Variants in PDZRN4 observed in about 807,000 individuals in gnomAD.
PDZRN4 encodes the protein PDZ domain containing ring finger 4.
Under a neutral mutation model 99.0 loss-of-function variants are expected in PDZRN4, and 70 were observed. The observed-to-expected ratio is 0.71, with a 90% CI of 0.58 to 0.86. The LOEUF (loss-of-function observed/expected upper bound fraction) is 0.86, where lower values mean the gene tolerates loss of function less well. PDZRN4 is among the 40% of genes least tolerant of loss of function. The pLI, the probability that PDZRN4 is intolerant of heterozygous loss-of-function variation, is 0.00. For missense variants in PDZRN4, 1,474 were observed against 1,331.2 expected (o/e 1.11, Z -1.67); for synonymous variants, 551 against 501.6 (o/e 1.10, Z -1.32).
rs148338048 is a variant in PDZRN4, at chr12:41,569,690, T to C, written c.1584+1791T>C. 9.8e-4 allele frequency among the ~76,000 whole-genome samples: 149 copies of C among 152,294 alleles called. 3 individuals are homozygous for C. The East Asian group carries it at 0.023, about 23-fold the overall frequency. ...AAATATTCAGCTTGCTAACATCCCA[T>C]AACAGAAATGTGTATGTGTGTGCAC... On this transcript the variant is annotated intron_variant, in intron 9 of 9. Transcript: ENST00000402685.
rs534589079 is a variant in PDZRN4, at chr12:41,243,356, C to A, written c.843+49168C>A. 2.6e-5 allele frequency among the ~76,000 whole-genome samples: 4 copies of A among 152,210 alleles called. No individual in the cohort carries two copies. In the South Asian group the frequency reaches 8.3e-4, roughly 32 times the overall value. ...AGCTTGGTTAATTGTTCTGGTATTA[C>A]AATGAATAATTACAATTTAAAAAAT... is the stretch of plus-strand genomic sequence containing the variant. On this transcript the variant is annotated intron_variant, in intron 3 of 9. Coordinates refer to ENST00000402685, the MANE Select transcript of PDZRN4 (RefSeq NM_001164595.2).
rs560637893 is a variant in PDZRN4 at position 41,192,179 on chromosome 12, C to T, written c.735+635C>T. Among the ~76,000 whole-genome samples the T allele has an allele frequency of 2.2e-3, 331 of 152,246 alleles. 8 individuals carry two copies. The South Asian group carries it at 0.044, about 20-fold the overall frequency. On this transcript the variant is annotated intron_variant, in intron 2 of 9. Coordinates refer to ENST00000402685, the MANE Select transcript of PDZRN4 (RefSeq NM_001164595.2). ...GGAGTGCAGTAGCGTGATCTCAGCT[C>T]AATGCAACCACTGCCTCTGGTTCAA...
At chr12:41,564,363 G>C (rs750656710) in intron 8 of PDZRN4, among the ~76,000 whole-genome samples, 3 of 152,086 alleles carry the variant, frequency 2.0e-5, no homozygotes, top group Non-Finnish European at 2.9e-5. Flanking sequence ...TGGAAAAAAA[G>C]TACTATTGGG....
At chr12:41,352,920 G>T (rs76925491) in intron 3 of PDZRN4, among the ~76,000 whole-genome samples, 3,353 of 152,178 alleles carry the variant, frequency 0.022, 124 homozygotes, top group African/African-American at 0.078. Flanking sequence ...AGACCATAAT[G>T]AATAATATGG....
At chr12:41,421,934 G>A (rs1028637527) in intron 3 of PDZRN4, among the ~76,000 whole-genome samples, 1 of 152,144 alleles carries the variant, frequency 6.6e-6, no homozygotes, top group Admixed American at 6.6e-5. Context: ...TGATTAGTAT[G>A]TTGGAGCTCT....
intron 3 of PDZRN4, among the ~76,000 whole-genome samples, chr12:41,209,711 G>C (rs1950875727): frequency 6.7e-6 from 1 of 149,972 alleles, no homozygotes; most frequent in Admixed American, 6.7e-5. Context: ...ATTCCATGGT[G>C]TATATGTGCC....
rs116836475 is a variant in PDZRN4 at position 41,552,885 on chromosome 12, G to A, written c.1302+131G>A. 1,071 of 618,342 alleles carry A rather than the reference G, an allele frequency of 1.7e-3. 11 individuals are homozygous for A. Among genetic ancestry groups the A allele is most frequent in the African/African-American group, 0.017 (926 of 54,304 alleles). The allele number at this position is 618,342 out of a possible 1,614,324, so 38.3% of individuals were successfully genotyped here. A position where few individuals can be genotyped will look rare whatever the true frequency, so the allele number is the denominator to read the frequency against. ...ATTGGAGTTGGCCATGTTCCAAAAC[G>A]TGTCACCTTCAATTAGGAAAGTAAA... On this transcript the variant is annotated intron_variant, in intron 6 of 9. Transcript: ENST00000402685.
intron 8 of PDZRN4, among the ~76,000 whole-genome samples, 187 bp from the exon 9 acceptor site, chr12:41,567,595 AT>A (rs1939396496): frequency 7.2e-6 from 1 of 139,518 alleles, no homozygotes; most frequent in African/African-American, 2.7e-5. Flanking sequence ...GATAAAAGGC[AT>A]AAGAGTCCTT....
Position 41,303,363 on chromosome 12 carries a change from C to G in PDZRN4, c.843+109175C>G, listed in dbSNP as rs553406495. On this transcript the variant is annotated intron_variant, in intron 3 of 9. Coordinates refer to ENST00000402685, the MANE Select transcript of PDZRN4 (RefSeq NM_001164595.2). ...ATTTCCAGCTAGCCTGTGGTTTGAT[C>G]ACAGTTATGTATGATCTCATGCCTA... 7.4e-4 allele frequency among the ~76,000 whole-genome samples: 113 copies of G among 152,144 alleles called. 1 individual carries two copies. The highest frequency in any genetic ancestry group is 1.3e-3 in the Non-Finnish European group (90 of 68,018).
At position 41,246,284 on chromosome 12, in the gene PDZRN4, A is replaced by T. The variant is rs139952235; in HGVS notation, c.843+52096A>T. Among the ~76,000 whole-genome samples, 13 of 152,308 alleles carry T rather than the reference A, an allele frequency of 8.5e-5. No individual in the cohort carries two copies. The East Asian group carries it at 2.5e-3, about 29-fold the overall frequency. On this transcript the variant is annotated intron_variant, in intron 3 of 9. Coordinates refer to ENST00000402685, the MANE Select transcript of PDZRN4 (RefSeq NM_001164595.2). ...ATATATTCATCGAGGTTTTAAAACA[A>T]TTGTACAGTTAATTGACAGGGTATT...
intron 3 of PDZRN4, chr12:41,412,583 G>C (rs932286722): frequency 1.3e-5 from 2 of 152,114 alleles, no homozygotes; most frequent in African/African-American, 4.8e-5. Context: ...AAACAAAAAG[G>C]ACGGTCAATA....
At chr12:41,218,643 T>C (rs1267161753) in intron 3 of PDZRN4, among the ~76,000 whole-genome samples, 1 of 152,154 alleles carries the variant, frequency 6.6e-6, no homozygotes, top group African/African-American at 2.4e-5. Flanking sequence ...ATAATTTGGT[T>C]GTATCTGTTA....
In PDZRN4 at chr12:41,360,770, G is replaced by A. The variant is rs187772478; in HGVS notation, c.844-145686G>A. On this transcript the variant is annotated intron_variant, in intron 3 of 9. Coordinates refer to ENST00000402685, the MANE Select transcript of PDZRN4 (RefSeq NM_001164595.2). Reference sequence around the variant, plus strand: ...CTTTTATATATTATAGACCATAACCGACACAGGAAGAGAATGGAAAAGTTG... The same window carrying A: ...CTTTTATATATTATAGACCATAACCAACACAGGAAGAGAATGGAAAAGTTG... Among the ~76,000 whole-genome samples, 474 of 152,004 alleles carry A rather than the reference G, an allele frequency of 3.1e-3. 5 individuals carry two copies. Among genetic ancestry groups the A allele is most frequent in the African/African-American group, 0.011 (447 of 41,472 alleles).
intron 3 of PDZRN4, among the ~76,000 whole-genome samples, chr12:41,484,462 A>T (rs1436575003): frequency 6.6e-6 from 1 of 152,176 alleles, no homozygotes; most frequent in African/African-American, 2.4e-5. Context: ...GAGTTTAGGT[A>T]AGTCACTTAA....
intron 3 of PDZRN4, among the ~76,000 whole-genome samples, chr12:41,306,515 G>A (rs1045853859): frequency 6.6e-6 from 1 of 152,152 alleles, no homozygotes; most frequent in Non-Finnish European, 1.5e-5. Flanking sequence ...TTCGACTGGG[G>A]TGGGTGATTC....
Position 41,572,744 on chromosome 12 carries a change from T to C in PDZRN4, c.1965T>C (p.Asn655=), listed in dbSNP as rs1396926349. ...ACTCAAGCAGCACAATTGAATGCAA[T>C]CAAGGGGAGCAAGAGGGAGTGGAGC... ...LYYSSSTIEC[N]QGEQEGVEHE... is the part of the protein sequence containing the mutation. Residue 655 remains asparagine (N), a synonymous_variant, in exon 10 of 10, where the codon AAT becomes AAC. Transcript: ENST00000402685. 6.2e-7 allele frequency: 1 copy of C among 1,614,062 alleles called. No individual in the cohort carries two copies. The highest frequency in any genetic ancestry group is 1.6e-4 in the Middle Eastern group (1 of 6,062).
intron 3 of PDZRN4, among the ~76,000 whole-genome samples, chr12:41,386,422 T>G (rs540591856): frequency 1.3e-5 from 2 of 151,900 alleles, no homozygotes; most frequent in East Asian, 3.9e-4. Flanking sequence ...ACTAGGGAGG[T>G]GAAAGATCTC....
At chr12:41,194,048 A>G in intron 2 of PDZRN4, 33 bp from the exon 3 acceptor site, 1 of 1,001,454 alleles carries the variant, frequency 1.0e-6, no homozygotes, top group African/African-American at 1.6e-5. Context: ...TTTTGCTTAC[A>G]TCTTTCTTCT....
rs541837483 is a variant in PDZRN4 at position 41,401,510 on chromosome 12, C to T, written c.844-104946C>T. Among the ~76,000 whole-genome samples the T allele has an allele frequency of 3.3e-5, 5 of 152,280 alleles. No homozygotes were observed. In the South Asian group the frequency reaches 1.0e-3, roughly 32 times the overall value. On this transcript the variant is annotated intron_variant, in intron 3 of 9. Coordinates refer to ENST00000402685, the MANE Select transcript of PDZRN4 (RefSeq NM_001164595.2). The stretch of plus-strand genomic sequence containing the variant: ...ATCCATTAATTATCGAGTCAGCAAC[C>T]TCAGAATCTTCCTCAGTTTCTTCCT...
Sources: gnomAD v4.1 joint callset for allele counts (sites outside exome capture counted in the v4.1 genomes callset) on GRCh38, gnomAD v4.1.1 for gene constraint, MANE v1.5 for transcripts, NCBI Gene and HGNC (gene_info 2026-07-23, HGNC 2026-07-21) for gene names.